INTS3: variants seen among roughly 807,000 people sequenced by gnomAD.
INTS3 encodes SOSS complex subunit A.
Under a neutral mutation model 146.3 loss-of-function variants are expected in INTS3, and 34 were observed. That is an observed-to-expected ratio of 0.23 (90% confidence interval 0.18 to 0.31). INTS3 has a LOEUF of 0.31. Ranked by LOEUF, INTS3 falls within the 10% of genes least tolerant of loss-of-function variation. The pLI is 1.00. For synonymous variants in INTS3, 475 were observed against 494.9 expected (o/e 0.96, Z 0.53); for missense variants, 757 against 1,304.2 (o/e 0.58, Z 6.46).
intron 9 of INTS3, among the ~76,000 whole-genome samples, chr1:153,756,023 G>C (rs2101809957): frequency 6.6e-6 from 1 of 152,070 alleles, no homozygotes; most frequent in Non-Finnish European, 1.5e-5. Context: ...CTGGGCAACA[G>C]AGTGAAACGC....
chr1:153,754,273 A>G (rs1439008858), intron 8 of INTS3, among the ~76,000 whole-genome samples: 1 of 152,160 alleles, frequency 6.6e-6, no homozygotes. Flanking sequence ...TCATGCCACA[A>G]ATAACATTGA....
chr1:153,744,041 G>A (rs1462721895), intron 3 of INTS3, among the ~76,000 whole-genome samples: 3 of 4,558 alleles, frequency 6.6e-4, no homozygotes, highest in Non-Finnish European at 8.2e-4. Context: ...GCATGTGCGT[G>A]TGTGTGTGTG....
At position 153,774,084 on chromosome 1, in the gene INTS3, G is replaced by T; in HGVS notation, c.*814G>T. 1 of 150,914 alleles carries T rather than the reference G, an allele frequency of 6.6e-6. No individual in the cohort carries two copies. The highest frequency in any genetic ancestry group is 2.5e-5 in the African/African-American group (1 of 39,258). 9.3% of individuals were successfully genotyped at this position (150,914 alleles called of 1,614,324 possible). On this transcript the variant is annotated 3_prime_UTR_variant, in exon 30 of 30. Transcript: ENST00000318967. The stretch of plus-strand genomic sequence containing the variant: ...AATAAAACAAGCCAGAATGTCTTTT[G>T]TGCTGGAGTGTCTGCTGGCATTTGC...
rs1215692077 is a variant in INTS3 at position 153,757,873 on chromosome 1, C to T, written c.1149+110C>T. 1.3e-6 allele frequency: 1 copy of T among 793,324 alleles called. No homozygotes were observed. Among genetic ancestry groups the T allele is most frequent in the African/African-American group, 1.7e-5 (1 of 58,000 alleles). 49.1% of individuals were successfully genotyped at this position (793,324 alleles called of 1,614,324 possible). ...ACTTGACCCCTAAGGGCCCTTCTTT[C>T]ACTCTGGTCTTCCAGAGTGTCTCAG... is the stretch of plus-strand genomic sequence containing the variant. On this transcript the variant is annotated intron_variant, in intron 10 of 29. Transcript: ENST00000318967. This position sits in a 1 kb window ranked among gnomAD's most constrained non-coding sequence, Gnocchi z 4.0.
chr1:153,739,426 T>C (rs1402224665), intron 1 of INTS3, among the ~76,000 whole-genome samples: 1 of 150,766 alleles, frequency 6.6e-6, no homozygotes, highest in Non-Finnish European at 1.5e-5. Context: ...CACCTCGACC[T>C]CTGCCTCCTG....
chr1:153,729,441 TG>T (rs1221021132), intron 1 of INTS3, among the ~76,000 whole-genome samples: 1 of 152,206 alleles, frequency 6.6e-6, no homozygotes, highest in Non-Finnish European at 1.5e-5. Flanking sequence ...AGAAATGGAA[TG>T]GACCTGAATG....
At position 153,769,427 on chromosome 1, in the gene INTS3, A is replaced by G. The variant is rs1008803619; in HGVS notation, c.2314-342A>G. ...TTCTCATTCATAAAAGAGGAAGCTTAGCACCCAAGAATCCTCCTTCCTTTG... is the reference window on the plus strand; with the variant it reads ...TTCTCATTCATAAAAGAGGAAGCTTGGCACCCAAGAATCCTCCTTCCTTTG... On this transcript the variant is annotated intron_variant, in intron 22 of 29. Coordinates refer to ENST00000318967, the MANE Select transcript of INTS3 (RefSeq NM_023015.5). 2.0e-5 allele frequency among the ~76,000 whole-genome samples: 3 copies of G among 152,138 alleles called. No homozygotes were observed. The East Asian group carries it at 5.8e-4, about 29-fold the overall frequency.
chr1:153,773,218 C>G lies in INTS3; in HGVS notation c.3077C>G (p.Pro1026Arg). The change falls in exon 30 of 30, where the codon CCT becomes CGT. Residue 1026 changes from proline to arginine, a missense_variant. Pro to Arg is a moderately radical substitution (Grantham distance 103). This residue lies in a region of INTS3 where 125 missense variants were observed against 165.6 expected (regional missense o/e 0.75). Transcript: ENST00000318967. ...ASEEEDTKPK[P>R]TKRKRKGSSA... is the part of the protein sequence containing the mutation. Reference sequence around the variant, plus strand: ...GAAGAGGAAGACACGAAACCGAAGCCTACCAAGCGGAAACGAAAAGGGTCC... The same window carrying G: ...GAAGAGGAAGACACGAAACCGAAGCGTACCAAGCGGAAACGAAAAGGGTCC... 6.2e-7 allele frequency: 1 copy of G among 1,614,128 alleles called. No homozygotes were observed. The highest frequency in any genetic ancestry group is 8.5e-7 in the Non-Finnish European group (1 of 1,180,040).
chr1:153,744,658 A>G (rs1395513570), intron 3 of INTS3, among the ~76,000 whole-genome samples: 1 of 152,202 alleles, frequency 6.6e-6, no homozygotes, highest in Non-Finnish European at 1.5e-5. Flanking sequence ...GGAAGTGGCA[A>G]TAGCTAATCT....
chr1:153,758,152 A>G (rs970714880), intron 10 of INTS3, among the ~76,000 whole-genome samples: 1 of 152,166 alleles, frequency 6.6e-6, no homozygotes, highest in Non-Finnish European at 1.5e-5. Flanking sequence ...AGCTTTGTCT[A>G]CTTCCCTTCT....
chr1:153,737,647 C>T (rs535077353), intron 1 of INTS3, among the ~76,000 whole-genome samples: 22 of 152,218 alleles, frequency 1.4e-4, no homozygotes, highest in East Asian at 3.9e-4. Context: ...TACAGGTGCG[C>T]GCCACCACAC....
chr1:153,736,428 G>C (rs1000773606), intron 1 of INTS3, among the ~76,000 whole-genome samples: 1 of 151,240 alleles, frequency 6.6e-6, no homozygotes, highest in Non-Finnish European at 1.5e-5. Flanking sequence ...AATGGTAAAG[G>C]AGAAGCATGA....
intron 19 of INTS3, 97 bp from the exon 20 acceptor site, chr1:153,764,847 G>C: frequency 6.4e-7 from 1 of 1,553,652 alleles, no homozygotes. Flanking sequence ...GAGGACATAT[G>C]CTGTGGGCAC....
rs191694121 is a variant in INTS3, at chr1:153,738,940, C to G, written c.151-1711C>G. 5.2e-3 allele frequency among the ~76,000 whole-genome samples: 774 copies of G among 149,176 alleles called. 23 individuals are homozygous for G. The highest frequency in any genetic ancestry group is 0.045 in the Admixed American group (673 of 14,892). ...CAGTGTCTCGCTCTTGTCATCCAGA[C>G]TGGAGTGCAATGATGCCAACTCAGC... On this transcript the variant is annotated intron_variant, in intron 1 of 29. Transcript: ENST00000318967.
chr1:153,752,697 C>T (rs1672004028), intron 8 of INTS3, among the ~76,000 whole-genome samples: 1 of 152,172 alleles, frequency 6.6e-6, no homozygotes, highest in Non-Finnish European at 1.5e-5. Context: ...CTGGCAGCTC[C>T]TTGGCTCAGG....
chr1:153,767,391 C>CCCT (rs1452852631), intron 20 of INTS3: 7 of 352,964 alleles, frequency 2.0e-5, no homozygotes, highest in Non-Finnish European at 3.1e-5. Context: ...CTGACCTGAG[C>CCCT]CCTCCCTCTT....
At chr1:153,741,156 T>C in intron 2 of INTS3, 129 bp from the exon 3 acceptor site, 1 of 739,094 alleles carries the variant, frequency 1.4e-6, no homozygotes, top group Non-Finnish European at 2.4e-6. Context: ...AAGGAAATCA[T>C]CAGATTTAAA....
At position 153,767,790 on chromosome 1, in the gene INTS3, G is replaced by C; in HGVS notation, c.2207G>C (p.Arg736Pro). The C allele has an allele frequency of 6.4e-7, 1 of 1,567,478 alleles. No individual in the cohort carries two copies. The highest frequency in any genetic ancestry group is 1.2e-5 in the South Asian group (1 of 86,630). Reference protein sequence around the residue: ...DMKACQEDDVRLLCHLTPSIY... With the variant: ...DMKACQEDDVPLLCHLTPSIY... ...AAGGCCTGCCAGGAGGACGATGTGC[G>C]GCTCCTGTGCCACCTCACGCCCTCC... Residue 736 changes from arginine (R) to proline (P), a missense_variant, in exon 21 of 30, where the codon CGG (arginine) becomes CCG (proline). Physicochemically the swap from Arg to Pro is moderately radical, Grantham distance 103. This residue lies in a region of INTS3 where 116 missense variants were observed against 226.5 expected (regional missense o/e 0.51). Transcript: ENST00000318967.
intron 1 of INTS3, among the ~76,000 whole-genome samples, chr1:153,733,424 G>C (rs1282128977): frequency 6.6e-6 from 1 of 151,220 alleles, no homozygotes; most frequent in Non-Finnish European, 1.5e-5. Context: ...TGTTGTCCAG[G>C]CTGCTCTCGA....
Sources: allele counts gnomAD v4.1 joint callset (sites outside exome capture counted in the v4.1 genomes callset), GRCh38; gene constraint gnomAD v4.1.1; regional missense constraint gnomAD v4.1.1; non-coding constraint Gnocchi (gnomAD v3.1); transcripts MANE v1.5; gene names NCBI Gene and HGNC (gene_info 2026-07-23, HGNC 2026-07-21).